The following ZNF37A variants were observed in gnomAD, a reference collection of about 807,000 sequenced individuals.
The protein encoded by ZNF37A is zinc finger protein 37a (KOX 21).
Under a neutral mutation model 12.3 loss-of-function variants are expected in ZNF37A, and 10 were observed. That is an observed-to-expected ratio of 0.82 (90% CI 0.50 to 1.38). The LOEUF is 1.38. Among genes scored for constraint, ZNF37A ranks in the 40% most tolerant of loss-of-function variants. The probability of loss-of-function intolerance (pLI) is 0.00; values close to 1 mark genes in which losing one functional copy is unlikely to be tolerated. For synonymous variants in ZNF37A, 207 were observed against 223.0 expected (o/e 0.93, Z 0.64); for missense variants, 580 against 651.2 (o/e 0.89, Z 1.19).
Position 38,118,443 on chromosome 10 carries a change from G to C in ZNF37A, c.1292G>C (p.Arg431Thr). 6.2e-7 allele frequency: 1 copy of C among 1,613,978 alleles called. No homozygotes were observed. Among genetic ancestry groups the C allele is most frequent in the Non-Finnish European group, 8.5e-7 (1 of 1,179,990 alleles). Reference protein sequence around the residue: ...SEKSTLTKHLRTHTGEKPYEC... With the variant: ...SEKSTLTKHLTTHTGEKPYEC... ...AAGTCAACCCTTACTAAACATCTAA[G>C]AACTCACACAGGTGAGAAACCTTAT... Residue 431 changes from arginine to threonine, a missense_variant, in exon 8 of 8, where the codon AGA (arginine) becomes ACA (threonine). Physicochemically the swap from Arg to Thr is moderately conservative, Grantham distance 71. Coordinates refer to ENST00000685332, the MANE Select transcript of ZNF37A (RefSeq NM_001324250.3).
intron 7 of ZNF37A, chr10:38,115,818 G>T (rs2069228444): frequency 6.6e-6 from 1 of 152,124 alleles, no homozygotes; most frequent in African/African-American, 2.4e-5. Flanking sequence ...GGAGGCTGAG[G>T]TGGGAGGATC....
chr10:38,118,750 TG>T lies in ZNF37A; in HGVS notation c.1600del (p.Val534LeufsTer5). 6.2e-7 allele frequency: 1 copy of T among 1,613,606 alleles called. No individual in the cohort carries two copies. ...GTAATGTTTGTGGAAAATCATTCTA[TG>T]TTAAGTCAAAACTAACTGTACATCA... ...ECNVCGKSFY[V>X]KSKLTVHQRI... is the part of the protein sequence containing the mutation. On this transcript the variant is annotated frameshift_variant, in exon 8 of 8. Coordinates refer to ENST00000685332, the MANE Select transcript of ZNF37A (RefSeq NM_001324250.3). LOFTEE classifies it low-confidence loss of function (END_TRUNC).
chr10:38,126,045 G>T (rs957808273), downstream of ZNF37A, among the ~76,000 whole-genome samples: 1 of 152,116 alleles, frequency 6.6e-6, no homozygotes, highest in Non-Finnish European at 1.5e-5. Context: ...CCATCCCCAT[G>T]ATCACCTCCC....
At chr10:38,101,349 A>T (rs1312339007) in intron 5 of ZNF37A, among the ~76,000 whole-genome samples, 6 of 145,018 alleles carry the variant, frequency 4.1e-5, no homozygotes, top group African/African-American at 1.0e-4. Context: ...TTTTGAGTTA[A>T]TTTTTTTTTT....
At chr10:38,112,778 T>TGTTGG (rs1554929923) in intron 5 of ZNF37A, among the ~76,000 whole-genome samples, 2 of 63,790 alleles carry the variant, frequency 3.1e-5, no homozygotes, top group African/African-American at 5.8e-5. Flanking sequence ...TTCTTTTCTT[T>TGTTGG]TCTTTTCTTT....
intron 7 of ZNF37A, among the ~76,000 whole-genome samples, chr10:38,144,820 T>C (rs1389097591): frequency 2.0e-5 from 3 of 151,972 alleles, no homozygotes; most frequent in Admixed American, 6.6e-5. Flanking sequence ...ACCACCCCCA[T>C]GGTTTAAACT....
Position 38,118,793 on chromosome 10 carries a change from A to G in ZNF37A, c.1642A>G (p.Arg548Gly). 1 of 1,603,668 alleles carries G rather than the reference A, an allele frequency of 6.2e-7. No individual in the cohort carries two copies. The highest frequency in any genetic ancestry group is 8.5e-7 in the Non-Finnish European group (1 of 1,175,668). ...TGTACATCAGAGAATACACTTGGGG[A>G]GAAACCCTATAAATGTAGTAAACGA... ...LTVHQRIHLG[R>G]NPINVVNEGN... is the part of the protein sequence containing the mutation. Residue 548 changes from arginine to glycine, a missense_variant, in exon 8 of 8, where the codon AGA (arginine) becomes GGA (glycine). Arg to Gly is a moderately radical substitution (Grantham distance 125). Coordinates refer to ENST00000685332, the MANE Select transcript of ZNF37A (RefSeq NM_001324250.3).
intron 7 of ZNF37A, among the ~76,000 whole-genome samples, chr10:38,134,297 C>T (rs1254415838): frequency 1.3e-5 from 2 of 152,204 alleles, no homozygotes; most frequent in Non-Finnish European, 1.5e-5. Flanking sequence ...CTCAACTCAT[C>T]AAAGTCATTC....
downstream of ZNF37A, among the ~76,000 whole-genome samples, chr10:38,130,282 G>A (rs1407171927): frequency 1.3e-5 from 2 of 152,036 alleles, no homozygotes; most frequent in Non-Finnish European, 2.9e-5. Context: ...ATCTGTTCAT[G>A]GGCACATGGG....
rs2069459813 is a variant in ZNF37A at position 38,118,364 on chromosome 10, C to A, written c.1213C>A (p.His405Asn). ...KSDLIKHQRI[H>N]TGEKPYECNE... Reference sequence around the variant, plus strand: ...AGACCTCATTAAACATCAAAGAATACACACAGGTGAAAAACCTTATGAATG... The same window carrying A: ...AGACCTCATTAAACATCAAAGAATAAACACAGGTGAAAAACCTTATGAATG... The change falls in exon 8 of 8, where the codon CAC becomes AAC. Residue 405 changes from histidine (H) to asparagine (N), a missense_variant. His to Asn is a moderately conservative substitution (Grantham distance 68). Coordinates refer to ENST00000685332, the MANE Select transcript of ZNF37A (RefSeq NM_001324250.3). The A allele has an allele frequency of 6.2e-7, 1 of 1,613,818 alleles. No homozygotes were observed. The highest frequency in any genetic ancestry group is 1.3e-5 in the African/African-American group (1 of 74,986).
At chr10:38,134,022 C>T (rs2070070240) in intron 7 of ZNF37A, among the ~76,000 whole-genome samples, 1 of 152,206 alleles carries the variant, frequency 6.6e-6, no homozygotes, top group Non-Finnish European at 1.5e-5. Flanking sequence ...CTTCTTGCTT[C>T]ATTTCAATCA....
In ZNF37A at chr10:38,110,710, G is replaced by A. The variant is rs536618135; in HGVS notation, c.16-4045G>A. On this transcript the variant is annotated intron_variant, in intron 5 of 7. Coordinates refer to ENST00000685332, the MANE Select transcript of ZNF37A (RefSeq NM_001324250.3). ...ACTTCTCAAAAGAAGACATTTATGC[G>A]GCCAACAAACATATGAAAAAAAGCT... Among the ~76,000 whole-genome samples, 10 of 152,136 alleles carry A rather than the reference G, an allele frequency of 6.6e-5. No homozygotes were observed. The South Asian group carries it at 1.7e-3, about 25-fold the overall frequency.
intron 7 of ZNF37A, among the ~76,000 whole-genome samples, chr10:38,133,290 C>G (rs2070058879): frequency 6.6e-6 from 1 of 152,018 alleles, no homozygotes; most frequent in African/African-American, 2.4e-5. Flanking sequence ...TAACACAGGG[C>G]TTAATTTTGC....
chr10:38,100,564 T>A (rs774983453), intron 5 of ZNF37A, among the ~76,000 whole-genome samples: 4 of 152,256 alleles, frequency 2.6e-5, no homozygotes, highest in Non-Finnish European at 4.4e-5. Context: ...AAGAGAAATA[T>A]GGCTCTGTTC....
chr10:38,130,220 T>C (rs778381861), downstream of ZNF37A, among the ~76,000 whole-genome samples: 13 of 152,256 alleles, frequency 8.5e-5, no homozygotes, highest in Admixed American at 5.2e-4. Flanking sequence ...TTAATTTTTA[T>C]GGCTGAATAA....
chr10:38,146,893 T>C (rs2070262759), exon 8 of ZNF37A: 2 of 395,802 alleles, frequency 5.1e-6, no homozygotes, highest in Non-Finnish European at 4.5e-6. Context: ...CCTTCAGAGA[T>C]GAGAGCCACA....
intron 5 of ZNF37A, 85 bp from the exon 6 acceptor site, chr10:38,114,670 A>G: frequency 1.3e-6 from 2 of 1,560,888 alleles, no homozygotes; most frequent in Non-Finnish European, 1.8e-6. Flanking sequence ...CAACAATAAA[A>G]ATGGTAAGAA....
Position 38,119,014 on chromosome 10 carries a change from T to G in ZNF37A, c.*177T>G, listed in dbSNP as rs1643772388. Reference sequence around the variant, plus strand: ...AAACATTATTCTGGAATTTGGACCATACACTATGTTACAAAACTAAAAGTG... The same window carrying G: ...AAACATTATTCTGGAATTTGGACCAGACACTATGTTACAAAACTAAAAGTG... On this transcript the variant is annotated 3_prime_UTR_variant, in exon 8 of 8. Coordinates refer to ENST00000685332, the MANE Select transcript of ZNF37A (RefSeq NM_001324250.3). 1 of 1,295,516 alleles carries G rather than the reference T, an allele frequency of 7.7e-7. No individual in the cohort carries two copies. The highest frequency in any genetic ancestry group is 9.8e-7 in the Non-Finnish European group (1 of 1,024,248). The allele number at this position is 1,295,516 out of a possible 1,614,324, so 80.3% of individuals were successfully genotyped here.
chr10:38,103,435 T>C (rs2067760661), intron 5 of ZNF37A, among the ~76,000 whole-genome samples: 1 of 152,212 alleles, frequency 6.6e-6, no homozygotes, highest in Non-Finnish European at 1.5e-5. Context: ...CACAGCATCA[T>C]TCTCCTGGTT....
Sources: gnomAD v4.1 joint callset for allele counts (sites outside exome capture counted in the v4.1 genomes callset) on GRCh38, gnomAD v4.1.1 for gene constraint, MANE v1.5 for transcripts, NCBI Gene and HGNC (gene_info 2026-07-23, HGNC 2026-07-21) for gene names.